Variants in PLCL1 observed in about 807,000 individuals in gnomAD.
The protein encoded by PLCL1 is inactive phospholipase C-like protein 1.
Under a neutral mutation model 84.4 loss-of-function variants are expected in PLCL1, and 41 were observed. The ratio of observed to expected loss-of-function variants is 0.49; its 90% confidence interval spans 0.38 to 0.63. The LOEUF is 0.63. PLCL1 is among the 30% of genes least tolerant of loss of function. The pLI is 0.00. For synonymous variants in PLCL1, 490 were observed against 488.3 expected, an observed-to-expected ratio of 1.00 and a Z score of -0.05; for missense variants, 1,206 against 1,367.8, an observed-to-expected ratio of 0.88 and a Z score of 1.87.
intron 1 of PLCL1, among the ~76,000 whole-genome samples, chr2:197,836,738 T>C (rs2105663520): frequency 6.6e-6 from 1 of 152,344 alleles, no homozygotes; most frequent in East Asian, 1.9e-4. Context: ...ATTTCTCTTT[T>C]TTTAGAGATG....
rs986211643 is a variant in PLCL1, at chr2:198,103,930, A to G, written c.3099A>G (p.Val1033=). 1 of 1,562,632 alleles carries G rather than the reference A, an allele frequency of 6.4e-7. No individual in the cohort carries two copies. The highest frequency in any genetic ancestry group is 8.8e-7 in the Non-Finnish European group (1 of 1,141,360). ...AGAGCTTTGCTTGGAACATTACAGTATTGAAGGTAGATGAAACACTCAGAT... is the reference window on the plus strand; with the variant it reads ...AGAGCTTTGCTTGGAACATTACAGTGTTGAAGGTAGATGAAACACTCAGAT... ...ATESFAWNIT[V]LKGQGDLLKN... Residue 1033 remains valine (V), a synonymous_variant, in exon 5 of 6, where the codon GTA becomes GTG. Coordinates refer to ENST00000428675, the MANE Select transcript of PLCL1 (RefSeq NM_006226.4).
At chr2:198,009,951 G>T (rs1199915145) in intron 1 of PLCL1, among the ~76,000 whole-genome samples, 1 of 151,908 alleles carries the variant, frequency 6.6e-6, no homozygotes, top group East Asian at 1.9e-4. Flanking sequence ...ATTGTTAACA[G>T]AATTATTTTC....
At chr2:197,989,570 A>G (rs899080445) in intron 1 of PLCL1, among the ~76,000 whole-genome samples, 7 of 152,114 alleles carry the variant, frequency 4.6e-5, no homozygotes, top group Admixed American at 3.3e-4. Flanking sequence ...AGATCATAAT[A>G]TACATTTAAA....
intron 1 of PLCL1, among the ~76,000 whole-genome samples, chr2:197,965,719 C>A (rs1689716426): frequency 6.6e-6 from 1 of 152,036 alleles, no homozygotes; most frequent in Non-Finnish European, 1.5e-5. Context: ...TTTGCTATAT[C>A]CCATAGGTTT....
chr2:197,977,476 C>T (rs1025457135), intron 1 of PLCL1, among the ~76,000 whole-genome samples: 7 of 152,200 alleles, frequency 4.6e-5, no homozygotes, highest in African/African-American at 1.7e-4. Flanking sequence ...TTTGCTCCTA[C>T]TTGTGTTTCT....
chr2:198,087,235 C>A (rs951111030), intron 2 of PLCL1, among the ~76,000 whole-genome samples: 1 of 152,070 alleles, frequency 6.6e-6, no homozygotes, highest in African/African-American at 2.4e-5. Flanking sequence ...TTACACTTAT[C>A]GCAAAATTAT....
chr2:197,807,580 C>T (rs979935746), intron 1 of PLCL1, among the ~76,000 whole-genome samples: 5 of 152,054 alleles, frequency 3.3e-5, no homozygotes, highest in Non-Finnish European at 7.4e-5. Context: ...TGGTTTGTTC[C>T]CTTTAGCATA....
At chr2:197,922,935 G>T (rs796923929) in intron 1 of PLCL1, among the ~76,000 whole-genome samples, 1 of 101,622 alleles carries the variant, frequency 9.8e-6, no homozygotes, top group Non-Finnish European at 2.1e-5. Context: ...CAGATGGGGC[G>T]GCTGGCCGGG....
intron 1 of PLCL1, among the ~76,000 whole-genome samples, chr2:197,811,476 G>A (rs1184477283): frequency 6.6e-6 from 1 of 152,146 alleles, no homozygotes; most frequent in Admixed American, 6.5e-5. Flanking sequence ...GCATTACTTT[G>A]AGAAAAGTAG....
intron 1 of PLCL1, among the ~76,000 whole-genome samples, chr2:197,833,390 C>T (rs1199432210): frequency 6.6e-6 from 1 of 152,190 alleles, no homozygotes; most frequent in Non-Finnish European, 1.5e-5. Context: ...ATCAAGTTGT[C>T]TCTGTTTGCA....
chr2:198,095,782 A>C (rs551083073), intron 3 of PLCL1, among the ~76,000 whole-genome samples: 1 of 152,302 alleles, frequency 6.6e-6, no homozygotes, highest in African/African-American at 2.4e-5. Context: ...TTCATTCTGC[A>C]ATCGTGTTTT....
At chr2:197,843,214 C>A (rs968740353) in intron 1 of PLCL1, among the ~76,000 whole-genome samples, 8 of 152,074 alleles carry the variant, frequency 5.3e-5, no homozygotes, top group African/African-American at 1.9e-4. Flanking sequence ...TTGCAATGAT[C>A]GACTAGTAAT....
At position 197,861,695 on chromosome 2, in the gene PLCL1, A is replaced by G. The variant is rs138841267; in HGVS notation, c.240+56356A>G. 1.5e-3 allele frequency among the ~76,000 whole-genome samples: 222 copies of G among 152,290 alleles called. 2 individuals are homozygous for G. The highest frequency in any genetic ancestry group is 5.1e-3 in the African/African-American group (213 of 41,588). On this transcript the variant is annotated intron_variant, in intron 1 of 5. Transcript: ENST00000428675. ...CTACCTCCAGGTAGAGAGTGTCACA[A>G]TTGACTTGAATTAGAGGACACCCAG...
chr2:197,879,235 C>G lies in PLCL1; in HGVS notation c.240+73896C>G, dbSNP rs114717701. Among the ~76,000 whole-genome samples the G allele has an allele frequency of 4.1e-3, 624 of 152,240 alleles. 4 individuals are homozygous for G. Among genetic ancestry groups the G allele is most frequent in the African/African-American group, 0.014 (580 of 41,532 alleles). On this transcript the variant is annotated intron_variant, in intron 1 of 5. Coordinates refer to ENST00000428675, the MANE Select transcript of PLCL1 (RefSeq NM_006226.4). Reference sequence around the variant, plus strand: ...AAGCTATCTTCTTGGTCCCAGAGAGCCTTATTACTTAATAATACATAGATA... The same window carrying G: ...AAGCTATCTTCTTGGTCCCAGAGAGGCTTATTACTTAATAATACATAGATA...
chr2:197,925,128 C>T (rs968866925), intron 1 of PLCL1, among the ~76,000 whole-genome samples: 9 of 151,884 alleles, frequency 5.9e-5, no homozygotes, highest in African/African-American at 1.7e-4. Flanking sequence ...ATGAATGTGC[C>T]GGCTAGGAAA....
intron 1 of PLCL1, among the ~76,000 whole-genome samples, chr2:197,896,710 T>C (rs1325005074): frequency 6.6e-6 from 1 of 152,086 alleles, no homozygotes; most frequent in African/African-American, 2.4e-5. Flanking sequence ...GCTTAAAGTT[T>C]GGTAATCTTT....
chr2:197,818,720 CTG>C (rs1484654150), intron 1 of PLCL1, among the ~76,000 whole-genome samples: 1 of 152,058 alleles, frequency 6.6e-6, no homozygotes, highest in Non-Finnish European at 1.5e-5. Flanking sequence ...CGGCATTTAA[CTG>C]TCTCCTTCTC....
chr2:197,897,098 CCTTCTTCTT>C (rs1156287674), intron 1 of PLCL1, among the ~76,000 whole-genome samples: 42 of 117,872 alleles, frequency 3.6e-4, no homozygotes, highest in Admixed American at 4.8e-4. Context: ...AAGTATGACT[CCTTCTTCTT>C]CTTCTTCTTC....
At chr2:198,132,461 G>T (rs1330231664) in intron 5 of PLCL1, among the ~76,000 whole-genome samples, 1 of 151,844 alleles carries the variant, frequency 6.6e-6, no homozygotes, top group African/African-American at 2.4e-5. Flanking sequence ...TTTTTTGGGG[G>T]GGGGAGTCCA....
Sources: allele counts gnomAD v4.1 joint callset (sites outside exome capture counted in the v4.1 genomes callset), GRCh38; gene constraint gnomAD v4.1.1; transcripts MANE v1.5; gene names NCBI Gene and HGNC (gene_info 2026-07-23, HGNC 2026-07-21).